The following SEMA5A variants were observed in gnomAD, a reference collection of about 807,000 sequenced individuals.
SEMA5A encodes the protein semaphorin-5A.
A neutral mutation model predicts 135.5 loss-of-function variants in SEMA5A; 55 were observed. That is an observed-to-expected ratio of 0.41 (90% CI 0.33 to 0.51). The LOEUF (loss-of-function observed/expected upper bound fraction) is 0.51. Among genes scored for constraint, SEMA5A ranks in the 20% least tolerant of loss-of-function variants. The pLI is 0.37. For synonymous variants in SEMA5A, 580 were observed against 546.5 expected (o/e 1.06, Z -0.85); for missense variants, 1,290 against 1,419.9 (o/e 0.91, Z 1.47).
At position 9,337,635 on chromosome 5, in the gene SEMA5A, G is replaced by A; in HGVS notation, c.224+78C>T. On this transcript the variant is annotated intron_variant, in intron 4 of 22. Transcript: ENST00000382496. ...TATTCAGCATTCTTCAGTTTTGTCA[G>A]TGAAGGTCACATGTAACTGCACAGA... The A allele has an allele frequency of 2.3e-6, 2 of 879,692 alleles. 1 individual carries two copies. The highest frequency in any genetic ancestry group is 3.0e-5 in the South Asian group (2 of 65,752). The allele number at this position is 879,692 out of a possible 1,614,324, so 54.5% of individuals were successfully genotyped here. A position where few individuals can be genotyped will look rare whatever the true frequency, so the allele number is the denominator to read the frequency against.
At chr5:9,320,859 T>C (rs1752599972) in intron 4 of SEMA5A, among the ~76,000 whole-genome samples, 1 of 152,176 alleles carries the variant, frequency 6.6e-6, no homozygotes, top group South Asian at 2.1e-4. Flanking sequence ...CAGTGTGACC[T>C]TGAAACCAGC....
At chr5:9,064,794 T>TA (rs1247973403) in intron 17 of SEMA5A, among the ~76,000 whole-genome samples, 1 of 152,196 alleles carries the variant, frequency 6.6e-6, no homozygotes, top group Non-Finnish European at 1.5e-5. Context: ...ATGTGGGATA[T>TA]ACTTTTCCTG....
chr5:9,189,536 G>C (rs1744987446), intron 11 of SEMA5A, among the ~76,000 whole-genome samples: 1 of 152,006 alleles, frequency 6.6e-6, no homozygotes, highest in Non-Finnish European at 1.5e-5. Context: ...CAATTATACA[G>C]AACACTGGAC....
In SEMA5A at chr5:9,503,696, C is replaced by T. The variant is rs1735709274; in HGVS notation, c.-175+41888G>A. On this transcript the variant is annotated intron_variant, in intron 1 of 22. Coordinates refer to ENST00000382496, the MANE Select transcript of SEMA5A (RefSeq NM_003966.3). ...GATCTGCATAACAGCACTGCTCTTA[C>T]AATGCCATCTCTCTTTAAGGATAGA... Among the ~76,000 whole-genome samples, 3 of 152,330 alleles carry T rather than the reference C, an allele frequency of 2.0e-5. No individual in the cohort carries two copies. In the South Asian group the frequency reaches 6.2e-4, roughly 32 times the overall value.
chr5:9,404,256 T>G (rs1295600299), intron 2 of SEMA5A, among the ~76,000 whole-genome samples: 1 of 152,128 alleles, frequency 6.6e-6, no homozygotes, highest in Non-Finnish European at 1.5e-5. Context: ...TTAAAAGAAT[T>G]ACATATGATT....
intron 11 of SEMA5A, among the ~76,000 whole-genome samples, chr5:9,178,388 A>C (rs946920444): frequency 6.9e-6 from 1 of 145,664 alleles, no homozygotes; most frequent in African/African-American, 2.6e-5. Context: ...GCTGGAGTGC[A>C]ATGGTGCAGT....
intron 5 of SEMA5A, among the ~76,000 whole-genome samples, chr5:9,285,032 C>T (rs1410526840): frequency 1.3e-5 from 2 of 152,130 alleles, no homozygotes; most frequent in African/African-American, 4.8e-5. Flanking sequence ...AATAATAGAA[C>T]CAAACTAGAG....
intron 3 of SEMA5A, among the ~76,000 whole-genome samples, chr5:9,355,377 G>A (rs2126331418): frequency 6.6e-6 from 1 of 152,278 alleles, no homozygotes; most frequent in South Asian, 2.1e-4. Context: ...GCAGGAAATG[G>A]GATAGACCAC....
intron 6 of SEMA5A, among the ~76,000 whole-genome samples, chr5:9,233,917 GA>G (rs112502835): frequency 5.7e-4 from 80 of 140,578 alleles, no homozygotes; most frequent in South Asian, 3.5e-3. Context: ...CTCAGAGTAG[GA>G]AAAAAAAAAA....
intron 1 of SEMA5A, among the ~76,000 whole-genome samples, chr5:9,451,704 A>G (rs1229793540): frequency 6.6e-6 from 1 of 152,254 alleles, no homozygotes; most frequent in Admixed American, 6.5e-5. Context: ...TTCTTTCACC[A>G]GTAGCTAAGA....
At chr5:9,290,002 A>G (rs1750999421) in intron 5 of SEMA5A, among the ~76,000 whole-genome samples, 2 of 152,228 alleles carry the variant, frequency 1.3e-5, no homozygotes, top group South Asian at 2.1e-4. Flanking sequence ...TTAACAACCA[A>G]TTCACATAAG....
At chr5:9,192,896 G>A (rs530750418) in intron 10 of SEMA5A, among the ~76,000 whole-genome samples, 3 of 152,020 alleles carry the variant, frequency 2.0e-5, no homozygotes, top group South Asian at 2.1e-4. Context: ...CTTGAAAACC[G>A]GATGGCATAA....
intron 16 of SEMA5A, among the ~76,000 whole-genome samples, chr5:9,104,014 A>C (rs1739771368): frequency 1.3e-5 from 2 of 152,212 alleles, no homozygotes; most frequent in South Asian, 4.1e-4. Flanking sequence ...TTTAAGCTAC[A>C]CTTCAACCTA....
At chr5:9,314,226 C>CAA (rs1454631685) in intron 5 of SEMA5A, among the ~76,000 whole-genome samples, 2 of 152,090 alleles carry the variant, frequency 1.3e-5, no homozygotes, top group African/African-American at 2.4e-5. Flanking sequence ...TGAAAGCACA[C>CAA]AAGTCAAACG....
chr5:9,184,929 A>G (rs769750579), intron 11 of SEMA5A, among the ~76,000 whole-genome samples: 2 of 151,172 alleles, frequency 1.3e-5, no homozygotes, highest in African/African-American at 4.9e-5. Flanking sequence ...GAGCCTTCAT[A>G]TTTTTTTTTC....
rs36104702 is a variant in SEMA5A, at chr5:9,203,980, TG to T, written c.647-1741del. On this transcript the variant is annotated intron_variant, in intron 8 of 22. Transcript: ENST00000382496. ...AATAAAGAAAATACTGGGTGGTGGG[TG>T]GGGGGGTGTTAAGTCTGTGTTTACT... is the stretch of plus-strand genomic sequence containing the variant. Among the ~76,000 whole-genome samples, 9 of 149,786 alleles carry T rather than the reference TG, an allele frequency of 6.0e-5. No individual in the cohort carries two copies. The South Asian group carries it at 8.6e-4, about 14-fold the overall frequency.
In SEMA5A at chr5:9,204,745, C is replaced by A. The variant is rs1317031374; in HGVS notation, c.647-2505G>T. Among the ~76,000 whole-genome samples the A allele has an allele frequency of 6.6e-6, 1 of 152,112 alleles. No homozygotes were observed. The highest frequency in any genetic ancestry group is 1.9e-4 in the East Asian group (1 of 5,170). On this transcript the variant is annotated intron_variant, in intron 8 of 22. Transcript: ENST00000382496. This position sits in a 1 kb window ranked among gnomAD's most constrained non-coding sequence, Gnocchi z 6.4. Reference sequence around the variant, plus strand: ...GGTCACCAACCCCCAGGACATGGACCAGTACCAGTCCATGGCCTGTTAGGA... The same window carrying A: ...GGTCACCAACCCCCAGGACATGGACAAGTACCAGTCCATGGCCTGTTAGGA...
intron 2 of SEMA5A, among the ~76,000 whole-genome samples, chr5:9,392,811 G>A (rs1326606371): frequency 3.3e-5 from 5 of 152,166 alleles, no homozygotes; most frequent in African/African-American, 9.7e-5. Flanking sequence ...TCCAAGTGAT[G>A]GATAAACTCA....
intron 1 of SEMA5A, among the ~76,000 whole-genome samples, chr5:9,520,349 T>C (rs2126869032): frequency 6.6e-6 from 1 of 152,142 alleles, no homozygotes; most frequent in East Asian, 1.9e-4. Context: ...TGGAGGATGA[T>C]GGAGAAGAGA....
Sources: allele counts gnomAD v4.1 joint callset (sites outside exome capture counted in the v4.1 genomes callset), GRCh38; gene constraint gnomAD v4.1.1; non-coding constraint Gnocchi (gnomAD v3.1); transcripts MANE v1.5; gene names NCBI Gene and HGNC (gene_info 2026-07-23, HGNC 2026-07-21).